SETBP1: variants seen among roughly 807,000 people sequenced by gnomAD.
SETBP1 encodes SET binding protein 1.
SETBP1 carries 9 observed loss-of-function variants against 101.0 expected under a neutral mutation model. The ratio of observed to expected loss-of-function variants is 0.09; its 90% CI spans 0.05 to 0.16. SETBP1 has a LOEUF of 0.16. Ranked by LOEUF, SETBP1 falls within the 10% of genes least tolerant of loss-of-function variation. The probability of loss-of-function intolerance (pLI) is 1.00; values close to 1 mark genes in which losing one functional copy is unlikely to be tolerated. For synonymous variants in SETBP1, 818 were observed against 788.5 expected (o/e 1.04, Z -0.63); for missense variants, 1,858 against 2,033.8 (o/e 0.91, Z 1.66).
intron 2 of SETBP1, among the ~76,000 whole-genome samples, chr18:44,766,709 G>T (rs189448952): frequency 1.3e-5 from 2 of 152,208 alleles, no homozygotes; most frequent in Non-Finnish European, 2.9e-5. Flanking sequence ...GTGGTAGTGG[G>T]TGCCTGTAGT....
intron 2 of SETBP1, among the ~76,000 whole-genome samples, chr18:44,717,922 G>T (rs1347863122): frequency 6.6e-6 from 1 of 152,172 alleles, no homozygotes; most frequent in Admixed American, 6.5e-5. Flanking sequence ...ATCTGTGTGT[G>T]TGTGTGTGTG....
At chr18:44,884,526 T>G (rs543874434) in intron 3 of SETBP1, among the ~76,000 whole-genome samples, 1 of 152,282 alleles carries the variant, frequency 6.6e-6, no homozygotes, top group East Asian at 1.9e-4. Flanking sequence ...CCAGGGGCCA[T>G]GAACCTCACT....
At chr18:44,910,549 G>A (rs1599309468) in intron 3 of SETBP1, among the ~76,000 whole-genome samples, 1 of 152,148 alleles carries the variant, frequency 6.6e-6, no homozygotes, top group Non-Finnish European at 1.5e-5. Flanking sequence ...TATGAGCAAT[G>A]TCCTGATGTC....
At chr18:45,046,434 G>A (rs978368087) in intron 5 of SETBP1, among the ~76,000 whole-genome samples, 3 of 152,174 alleles carry the variant, frequency 2.0e-5, no homozygotes, top group African/African-American at 7.2e-5. Flanking sequence ...AGCCTCCTTT[G>A]TTCATTAATA....
intron 2 of SETBP1, among the ~76,000 whole-genome samples, chr18:44,763,697 G>A (rs1472279866): frequency 1.3e-5 from 2 of 152,248 alleles, no homozygotes; most frequent in East Asian, 3.9e-4. Flanking sequence ...ATATCCCTAC[G>A]CTTCTGATAA....
At chr18:44,817,593 G>C (rs1249172783) in intron 2 of SETBP1, among the ~76,000 whole-genome samples, 2 of 151,542 alleles carry the variant, frequency 1.3e-5, no homozygotes, top group Admixed American at 6.6e-5. Context: ...ACTGAGACAG[G>C]AGAATCTCTT....
At chr18:44,847,088 G>A (rs1244626065) in intron 2 of SETBP1, among the ~76,000 whole-genome samples, 6 of 152,318 alleles carry the variant, frequency 3.9e-5, no homozygotes, top group Admixed American at 3.3e-4. Flanking sequence ...TAGAGGAGAA[G>A]AAACACAGCC....
intron 4 of SETBP1, among the ~76,000 whole-genome samples, chr18:45,004,860 C>T (rs1599436691): frequency 1.3e-5 from 2 of 152,234 alleles, no homozygotes; most frequent in East Asian, 3.8e-4. Flanking sequence ...CTTCACTTCA[C>T]TCCCAATGTC....
At chr18:44,875,288 A>G (rs1199933131) in intron 3 of SETBP1, among the ~76,000 whole-genome samples, 1 of 152,132 alleles carries the variant, frequency 6.6e-6, no homozygotes, top group Non-Finnish European at 1.5e-5. Flanking sequence ...TGGGAGGCCA[A>G]GGCGGGTGGA....
At chr18:45,001,295 C>T (rs2072613713) in intron 4 of SETBP1, among the ~76,000 whole-genome samples, 1 of 152,160 alleles carries the variant, frequency 6.6e-6, no homozygotes, top group Admixed American at 6.5e-5. Flanking sequence ...TTAACTCCTA[C>T]TTTATTGAGT....
At chr18:44,913,374 G>A (rs1244736634) in intron 3 of SETBP1, among the ~76,000 whole-genome samples, 1 of 152,192 alleles carries the variant, frequency 6.6e-6, no homozygotes, top group Non-Finnish European at 1.5e-5. Flanking sequence ...TTAGATCAAT[G>A]CTTCCGTCCT....
At chr18:44,872,795 G>A (rs2069308669) in intron 3 of SETBP1, among the ~76,000 whole-genome samples, 1 of 152,246 alleles carries the variant, frequency 6.6e-6, no homozygotes, top group South Asian at 2.1e-4. Flanking sequence ...GCCATAGCAT[G>A]GGCACCATAT....
chr18:45,063,082 G>C lies in SETBP1; in HGVS notation c.4175G>C (p.Gly1392Ala), dbSNP rs773392085. ...AASAATSDAV[G>A]SSLKKRFKRR... ...CTTATCTCTTCCCCTCCCGCAGTCG[G>C]CTCCTCCCTGAAGAAGAGGTTCAAG... Residue 1392 changes from glycine to alanine, a missense_variant, in exon 6 of 6, where the codon GGC becomes GCC. By Grantham distance (60) the Gly-to-Ala change is moderately conservative (BLOSUM62 0). Coordinates refer to ENST00000649279, the MANE Select transcript of SETBP1 (RefSeq NM_015559.3). The C allele has an allele frequency of 1.1e-5, 18 of 1,613,794 alleles. No individual in the cohort carries two copies. The highest frequency in any genetic ancestry group is 2.7e-5 in the African/African-American group (2 of 74,840).
At chr18:45,038,429 G>A in intron 4 of SETBP1, 56 bp from the exon 5 acceptor site, 1 of 1,507,960 alleles carries the variant, frequency 6.6e-7, no homozygotes, top group Non-Finnish European at 9.2e-7. Context: ...GTTACATGTT[G>A]TCTATCTTCC....
intron 3 of SETBP1, among the ~76,000 whole-genome samples, chr18:44,925,641 T>A (rs1381687082): frequency 2.0e-5 from 3 of 152,196 alleles, no homozygotes; most frequent in Non-Finnish European, 1.5e-5. Context: ...CTAAACATTA[T>A]CCTAATTTAT....
At chr18:45,027,664 T>C (rs2073195884) in intron 4 of SETBP1, among the ~76,000 whole-genome samples, 1 of 152,200 alleles carries the variant, frequency 6.6e-6, no homozygotes, top group Non-Finnish European at 1.5e-5. Flanking sequence ...GAAGTAATCA[T>C]GGTTAACACA....
At chr18:44,826,511 T>G (rs1038847674) in intron 2 of SETBP1, among the ~76,000 whole-genome samples, 1 of 152,064 alleles carries the variant, frequency 6.6e-6, no homozygotes, top group Non-Finnish European at 1.5e-5. Flanking sequence ...CAGAAAGGCA[T>G]GTGGAGTCCC....
chr18:44,925,594 GA>G (rs1310179800), intron 3 of SETBP1, among the ~76,000 whole-genome samples: 1 of 152,158 alleles, frequency 6.6e-6, no homozygotes. Context: ...GGAGTCCTTA[GA>G]AAGTCTGTAG....
chr18:44,828,604 G>A (rs2072288674), intron 2 of SETBP1, among the ~76,000 whole-genome samples: 3 of 152,224 alleles, frequency 2.0e-5, no homozygotes, highest in African/African-American at 7.2e-5. Context: ...GATGATGGAA[G>A]GAGAGACAAA....
Sources: allele counts gnomAD v4.1 joint callset (sites outside exome capture counted in the v4.1 genomes callset), GRCh38; gene constraint gnomAD v4.1.1; transcripts MANE v1.5; gene names NCBI Gene and HGNC (gene_info 2026-07-23, HGNC 2026-07-21).